Variants in SLC34A3 observed in about 807,000 individuals in gnomAD.
SLC34A3 encodes solute carrier family 34 member 3.
A neutral mutation model predicts 43.9 loss-of-function variants in SLC34A3; 60 were observed. That is an observed-to-expected ratio of 1.37 (90% confidence interval 1.11 to 1.70). The LOEUF (loss-of-function observed/expected upper bound fraction) is 1.70, where lower values mean the gene tolerates loss of function less well. Among genes scored for constraint, SLC34A3 ranks in the 40% most tolerant of loss-of-function variants. The pLI is 0.00. For synonymous variants in SLC34A3, 451 were observed against 386.2 expected (o/e 1.17, Z -1.97); for missense variants, 969 against 823.8 (o/e 1.18, Z -2.16).
At position 137,234,277 on chromosome 9, in the gene SLC34A3, G is replaced by T; in HGVS notation, c.1093+1G>T. The stretch of plus-strand genomic sequence containing the variant: ...GTCGTGAGGACAGTCATCAATGCGG[G>T]TGAGGGCGTGGGAGGAGGTGCGGTG... On this transcript the variant is annotated splice_donor_variant, in intron 10 of 12. Coordinates refer to ENST00000673835, the MANE Select transcript of SLC34A3 (RefSeq NM_001177316.2). LOFTEE classifies it high-confidence loss of function. The surrounding 1 kb of genome is among the most constrained non-coding windows in gnomAD (Gnocchi z 6.9). The T allele has an allele frequency of 6.2e-7, 1 of 1,610,514 alleles. No homozygotes were observed.
intron 12 of SLC34A3, among the ~76,000 whole-genome samples, chr9:137,235,359 G>A (rs1207455672): frequency 6.6e-6 from 1 of 152,154 alleles, no homozygotes; most frequent in Non-Finnish European, 1.5e-5. Context: ...ATGCTGCACC[G>A]CCGCTGACAG....
At position 137,236,276 on chromosome 9, in the gene SLC34A3, G is replaced by A. The variant is rs548027954; in HGVS notation, c.1660G>A (p.Val554Ile). The A allele has an allele frequency of 3.6e-5, 56 of 1,543,732 alleles. No homozygotes were observed. The highest frequency in any genetic ancestry group is 5.9e-5 in the Admixed American group (3 of 51,084). ...VRLRSWAWLP[V>I]WLHSLEPWDR... ...CCTGCGCTCCTGGGCCTGGCTCCCC[G>A]TCTGGCTCCATTCTCTGGAGCCCTG... is the stretch of plus-strand genomic sequence containing the variant. Residue 554 changes from valine to isoleucine, a missense_variant, in exon 13 of 13, where the codon GTC becomes ATC. Coordinates refer to ENST00000673835, the MANE Select transcript of SLC34A3 (RefSeq NM_001177316.2).
At chr9:137,229,799 C>T (rs1836098274), upstream of SLC34A3, among the ~76,000 whole-genome samples, 4 of 152,188 alleles carry the variant, frequency 2.6e-5, no homozygotes, top group African/African-American at 4.8e-5. Context: ...CTGAACCTTT[C>T]CTGGCTCCGA....
chr9:137,234,368 G>A lies in SLC34A3; in HGVS notation c.1094-48G>A. On this transcript the variant is annotated intron_variant, in intron 10 of 12. Coordinates refer to ENST00000673835, the MANE Select transcript of SLC34A3 (RefSeq NM_001177316.2). The surrounding 1 kb of genome is among the most constrained non-coding windows in gnomAD (Gnocchi z 6.9). The stretch of plus-strand genomic sequence containing the variant: ...CACCAGGCTGACTCGGGGGCTACCT[G>A]GCCCTCCTTGTGGGCGCTGGCCAGG... The A allele has an allele frequency of 1.3e-6, 2 of 1,598,624 alleles. No individual in the cohort carries two copies. The highest frequency in any genetic ancestry group is 1.1e-5 in the South Asian group (1 of 90,894).
chr9:137,234,412 A>C lies in SLC34A3; in HGVS notation c.1094-4A>C, dbSNP rs772448315. On this transcript the variant is annotated splice_polypyrimidine_tract_variant and splice_region_variant and intron_variant, in intron 10 of 12. Coordinates refer to ENST00000673835, the MANE Select transcript of SLC34A3 (RefSeq NM_001177316.2). The surrounding 1 kb of genome is among the most constrained non-coding windows in gnomAD (Gnocchi z 6.9). The stretch of plus-strand genomic sequence containing the variant: ...GGCCAGGGCTGACCCGGCATCCCCC[A>C]CAGACTTCCCCTTCCCGCTGGGCTG... 4.4e-6 allele frequency: 7 copies of C among 1,597,178 alleles called. No individual in the cohort carries two copies. The highest frequency in any genetic ancestry group is 2.2e-5 in the East Asian group (1 of 44,772).
At position 137,234,471 on chromosome 9, in the gene SLC34A3, C is replaced by A; in HGVS notation, c.1149C>A (p.Ala383=). 6.2e-7 allele frequency: 1 copy of A among 1,600,262 alleles called. No individual in the cohort carries two copies. Among genetic ancestry groups the A allele is most frequent in the Non-Finnish European group, 8.5e-7 (1 of 1,179,270 alleles). ...GCTACCTGGCCGTCCTCGCGGGCGC[C>A]GGCCTGACCTTCGCACTGCAGAGCA... The part of the protein sequence containing the change: ...LGGYLAVLAG[A]GLTFALQSSS... The change falls in exon 11 of 13, where the codon GCC becomes GCA. Residue 383 remains alanine, a synonymous_variant. Coordinates refer to ENST00000673835, the MANE Select transcript of SLC34A3 (RefSeq NM_001177316.2). The surrounding 1 kb of genome is among the most constrained non-coding windows in gnomAD (Gnocchi z 6.9).
At position 137,235,944 on chromosome 9, in the gene SLC34A3, G is replaced by GC. The variant is rs778089785; in HGVS notation, c.1336-3dup. The GC allele has an allele frequency of 9.4e-5, 151 of 1,610,844 alleles. No individual in the cohort carries two copies. Among genetic ancestry groups the GC allele is most frequent in the Non-Finnish European group, 1.2e-4 (146 of 1,179,580 alleles). ...GGCCCAGGCCCCTGACAGCCCCCTC[G>GC]CCCCCAGGTCGCCCTCATCCACTTC... is the stretch of plus-strand genomic sequence containing the variant. On this transcript the variant is annotated splice_polypyrimidine_tract_variant and splice_region_variant and intron_variant, in intron 12 of 12. Transcript: ENST00000673835.
At position 137,234,812 on chromosome 9, in the gene SLC34A3, G is replaced by C. The variant is rs1346525753; in HGVS notation, c.1335+81G>C. The C allele has an allele frequency of 1.0e-5, 16 of 1,591,358 alleles. No individual in the cohort carries two copies. Among genetic ancestry groups the C allele is most frequent in the Non-Finnish European group, 1.4e-5 (16 of 1,175,088 alleles). On this transcript the variant is annotated intron_variant, in intron 12 of 12. Transcript: ENST00000673835. The surrounding 1 kb of genome is among the most constrained non-coding windows in gnomAD (Gnocchi z 6.9). The stretch of plus-strand genomic sequence containing the variant: ...GACAGGAGTGTGTCACCAGCCCCGG[G>C]GCCCTAGGCTGGCTGTGCCCCCGCC...
rs1190433400 is a variant in SLC34A3, at chr9:137,231,784, G to A, written c.82G>A (p.Glu28Lys). ...VDLVEKTLRN[E>K]GTSSSAPVLE... is the part of the protein sequence containing the mutation. The stretch of plus-strand genomic sequence containing the variant: ...CCTAGTGGAAAAGACTCTGAGGAAT[G>A]AAGGTACCAGTGGCCCCTGTGCCCC... Residue 28 changes from glutamate (E) to lysine (K), a missense_variant, in exon 2 of 13, where the codon GAA (glutamate) becomes AAA (lysine). By Grantham distance (56) the Glu-to-Lys change is moderately conservative (BLOSUM62 1). Transcript: ENST00000673835. 1.2e-6 allele frequency: 2 copies of A among 1,612,926 alleles called. No individual in the cohort carries two copies. Among genetic ancestry groups the A allele is most frequent in the African/African-American group, 1.3e-5 (1 of 74,902 alleles).
Position 137,233,099 on chromosome 9 carries a change from C to A in SLC34A3, c.544C>A (p.Arg182=), listed in dbSNP as rs199747826. 1.6e-5 allele frequency: 24 copies of A among 1,475,068 alleles called. No homozygotes were observed. The highest frequency in any genetic ancestry group is 1.8e-5 in the Non-Finnish European group (20 of 1,095,258). The allele number at this position is 1,475,068 out of a possible 1,614,324, so 91.4% of individuals were successfully genotyped here. A position where few individuals can be genotyped will look rare whatever the true frequency, so the allele number is the denominator to read the frequency against. Residue 182 remains arginine, a synonymous_variant, in exon 6 of 13, where the codon CGG becomes AGG. Coordinates refer to ENST00000673835, the MANE Select transcript of SLC34A3 (RefSeq NM_001177316.2). Reference sequence around the variant, plus strand: ...GGTCTCAATGGCGCAGTCAGGGGACCGGGATGAATTTCAGAGGTGAGTTGT... The same window carrying A: ...GGTCTCAATGGCGCAGTCAGGGGACAGGGATGAATTTCAGAGGTGAGTTGT... ...TLVSMAQSGD[R]DEFQRAFSGS...
chr9:137,235,356 A>T (rs1836525927), intron 12 of SLC34A3, among the ~76,000 whole-genome samples: 2 of 152,222 alleles, frequency 1.3e-5, no homozygotes, highest in South Asian at 4.1e-4. Flanking sequence ...GTCATGCTGC[A>T]CCGCCGCTGA....
chr9:137,233,721 C>T lies in SLC34A3; in HGVS notation c.845C>T (p.Pro282Leu), dbSNP rs150363315. 52 of 1,612,218 alleles carry T rather than the reference C, an allele frequency of 3.2e-5. No individual in the cohort carries two copies. The highest frequency in any genetic ancestry group is 1.6e-4 in the African/African-American group (12 of 74,872). Residue 282 changes from proline (P) to leucine (L), a missense_variant and splice_region_variant, in exon 8 of 13, where the codon CCG (proline) becomes CTG (leucine). Physicochemically the swap from Pro to Leu is moderately conservative, Grantham distance 98. Transcript: ENST00000673835. ...CACTGGTGCGGCACCACGGGGCAGC[C>T]GGTGAGGCACCCAACCCTAGGCCCT... ...IKHWCGTTGQ[P>L]TQENSSCGAF...
At position 137,232,672 on chromosome 9, in the gene SLC34A3, C is replaced by T. The variant is rs145677050; in HGVS notation, c.273C>T (p.Asp91=). The change falls in exon 4 of 13, where the codon GAC becomes GAT. Residue 91 remains aspartate, a synonymous_variant. Coordinates refer to ENST00000673835, the MANE Select transcript of SLC34A3 (RefSeq NM_001177316.2). ...GSLYFFICSL[D]VLSSAFQLLG... ...TGTACTTCTTCATCTGCTCTCTGGA[C>T]GTCCTCAGCTCCGCCTTCCAGCTGC... 5.2e-3 allele frequency: 8,450 copies of T among 1,612,850 alleles called. 31 individuals carry two copies. The highest frequency in any genetic ancestry group is 6.0e-3 in the Non-Finnish European group (7,031 of 1,179,934).
In SLC34A3 at chr9:137,232,140, G is replaced by C; in HGVS notation, c.154G>C (p.Asp52His). 1 of 1,613,104 alleles carries C rather than the reference G, an allele frequency of 6.2e-7. No homozygotes were observed. ...CCCCTGGACCCTCCCTCAGCTGAAG[G>C]ACACAAGCCAGCCCTGGAAAGGTGG... Reference protein sequence around the residue: ...TDPWTLPQLKDTSQPWKELRV... With the variant: ...TDPWTLPQLKHTSQPWKELRV... The change falls in exon 3 of 13, where the codon GAC becomes CAC. Residue 52 changes from aspartate (D) to histidine (H), a missense_variant. Physicochemically the swap from Asp to His is moderately conservative, Grantham distance 81. Coordinates refer to ENST00000673835, the MANE Select transcript of SLC34A3 (RefSeq NM_001177316.2).
Position 137,232,988 on chromosome 9 carries a change from G to GC in SLC34A3, c.449-9dup, listed in dbSNP as rs752134669. 7 of 1,610,074 alleles carry GC rather than the reference G, an allele frequency of 4.3e-6. No individual in the cohort carries two copies. The highest frequency in any genetic ancestry group is 1.7e-5 in the Admixed American group (1 of 59,878). ...GCAGGGTGGGCCGCAGGCTGACTCAGCCCCCCCACCAGCAGTGCTGACTGT... is the reference window on the plus strand; with the variant it reads ...GCAGGGTGGGCCGCAGGCTGACTCAGCCCCCCCCACCAGCAGTGCTGACTGT... On this transcript the variant is annotated splice_polypyrimidine_tract_variant and intron_variant, in intron 5 of 12. Coordinates refer to ENST00000673835, the MANE Select transcript of SLC34A3 (RefSeq NM_001177316.2).
intron 3 of SLC34A3, 89 bp from the exon 4 acceptor site, chr9:137,232,486 A>T: frequency 1.3e-6 from 2 of 1,556,258 alleles, no homozygotes; most frequent in Non-Finnish European, 1.7e-6. Context: ...TTGGAGACAG[A>T]GGAGAGAGGG....
In SLC34A3 at chr9:137,234,450, C is replaced by A. The variant is rs1158594019; in HGVS notation, c.1128C>A (p.Tyr376Ter). 2 of 1,599,250 alleles carry A rather than the reference C, an allele frequency of 1.3e-6. No homozygotes were observed. Among genetic ancestry groups the A allele is most frequent in the Admixed American group, 3.3e-5 (2 of 59,902 alleles). Residue 376 changes from tyrosine (Y) to a stop codon, truncating the protein, a stop_gained, in exon 11 of 13, where the codon TAC (tyrosine) becomes TAA (stop). Transcript: ENST00000673835. LOFTEE classifies it high-confidence loss of function. The surrounding 1 kb of genome is among the most constrained non-coding windows in gnomAD (Gnocchi z 6.9). ...TCCCGCTGGGCTGGCTCGGCGGCTA[C>A]CTGGCCGTCCTCGCGGGCGCCGGCC... is the stretch of plus-strand genomic sequence containing the variant. ...FPFPLGWLGGYLAVLAGAGLT... is the reference protein window; with the variant it reads ...FPFPLGWLGG
chr9:137,233,420 G>A lies in SLC34A3; in HGVS notation c.756+16G>A, dbSNP rs575642166. 7 of 1,591,820 alleles carry A rather than the reference G, an allele frequency of 4.4e-6. No individual in the cohort carries two copies. In the African/African-American group the frequency reaches 5.4e-5, roughly 12 times the overall value. ...CATCGTGCAGGTGAGGACGGCCACC[G>A]CCCCCGCCCAGAGAGCCTGAGCAGG... On this transcript the variant is annotated intron_variant, in intron 7 of 12. Coordinates refer to ENST00000673835, the MANE Select transcript of SLC34A3 (RefSeq NM_001177316.2).
rs1384917400 is a variant in SLC34A3, at chr9:137,232,276, A to G, written c.175+115A>G. 18 of 1,045,074 alleles carry G rather than the reference A, an allele frequency of 1.7e-5. No individual in the cohort carries two copies. The Admixed American group carries it at 3.3e-4, about 19-fold the overall frequency. The allele number at this position is 1,045,074 out of a possible 1,614,324, so 64.7% of individuals were successfully genotyped here. A position where few individuals can be genotyped will look rare whatever the true frequency, so the allele number is the denominator to read the frequency against. ...CAGGCTGTGTGTGGGGAACTCCGCC[A>G]TGCAGGCCCCCTCTGGGGAGACACG... On this transcript the variant is annotated intron_variant, in intron 3 of 12. Transcript: ENST00000673835.
Sources: allele counts gnomAD v4.1 joint callset (sites outside exome capture counted in the v4.1 genomes callset), GRCh38; gene constraint gnomAD v4.1.1; non-coding constraint Gnocchi (gnomAD v3.1); transcripts MANE v1.5; gene names NCBI Gene and HGNC (gene_info 2026-07-23, HGNC 2026-07-21).